The following RAB23 variants were observed in gnomAD, a reference collection of about 807,000 sequenced individuals.
RAB23 encodes RAB23, member RAS oncogene family.
Under a neutral mutation model 30.0 loss-of-function variants are expected in RAB23, and 15 were observed. That is an observed-to-expected ratio of 0.50 (90% CI 0.33 to 0.77). The LOEUF (loss-of-function observed/expected upper bound fraction) is 0.77, where lower values mean the gene tolerates loss of function less well. RAB23 is among the 30% of genes least tolerant of loss of function. RAB23 has a pLI of 0.02. For synonymous variants in RAB23, 93 were observed against 94.0 expected, an observed-to-expected ratio of 0.99 and a Z score of 0.06; for missense variants, 243 against 275.4, an observed-to-expected ratio of 0.88 and a Z score of 0.83.
At chr6:57,196,335 G>T in intron 4 of RAB23, 115 bp downstream of exon 4, 6 of 1,217,118 alleles carry the variant, frequency 4.9e-6, no homozygotes, top group Non-Finnish European at 7.2e-6. Context: ...AGTCATTAAA[G>T]CCTTCAAAAT....
In RAB23 at chr6:57,207,628, C is replaced by G; in HGVS notation, c.241G>C (p.Gly81Arg). 1 of 1,584,866 alleles carries G rather than the reference C, an allele frequency of 6.3e-7. No homozygotes were observed. The highest frequency in any genetic ancestry group is 8.7e-7 in the Non-Finnish European group (1 of 1,153,786). Residue 81 changes from glycine to arginine, a missense_variant and splice_region_variant, in exon 3 of 7, where the codon GGA (glycine) becomes CGA (arginine). Gly to Arg is a moderately radical substitution (Grantham distance 125). Coordinates refer to ENST00000468148, the MANE Select transcript of RAB23 (RefSeq NM_016277.5). ...FDAITKAYYR[G>R]AQACVLVFST... ...TAAATAAATAAATCCTGTGTTTTAC[C>G]TCGATAGTAGGCCTTTGTAATTGCA... is the stretch of plus-strand genomic sequence containing the variant.
At chr6:57,204,329 T>C (rs1033824465) in intron 3 of RAB23, among the ~76,000 whole-genome samples, 32 of 152,320 alleles carry the variant, frequency 2.1e-4, no homozygotes, top group African/African-American at 7.7e-4. Context: ...TCTATTCTAT[T>C]TTCAAGTACT....
chr6:57,197,228 T>C (rs1280827850), intron 3 of RAB23, among the ~76,000 whole-genome samples: 3 of 152,132 alleles, frequency 2.0e-5, no homozygotes, highest in African/African-American at 7.2e-5. Flanking sequence ...AGTATATATA[T>C]ATATAATAGA....
In RAB23 at chr6:57,221,743, G is replaced by A. The variant is rs1766068590; in HGVS notation, c.-83C>T. 1 of 152,314 alleles carries A rather than the reference G, an allele frequency of 6.6e-6. No individual in the cohort carries two copies. 9.4% of individuals were successfully genotyped at this position (152,314 alleles called of 1,614,324 possible). A position where few individuals can be genotyped will look rare whatever the true frequency, so the allele number is the denominator to read the frequency against. ...GTACCCACCGCTGGGAGCTGGGAGG[G>A]GGCGCCGGGCTGGCGCTGCCGCCCA... On this transcript the variant is annotated 5_prime_UTR_variant, in exon 1 of 7. Coordinates refer to ENST00000468148, the MANE Select transcript of RAB23 (RefSeq NM_016277.5).
Position 57,203,076 on chromosome 6 carries a change from G to A in RAB23, c.241+4552C>T, listed in dbSNP as rs376635244. Among the ~76,000 whole-genome samples, 93 of 137,534 alleles carry A rather than the reference G, an allele frequency of 6.8e-4. No homozygotes were observed. In the East Asian group the frequency reaches 7.9e-3, roughly 12 times the overall value. 90.2% of individuals were successfully genotyped at this position (137,534 alleles called of 152,430 possible). On this transcript the variant is annotated intron_variant, in intron 3 of 6. Coordinates refer to ENST00000468148, the MANE Select transcript of RAB23 (RefSeq NM_016277.5). Reference sequence around the variant, plus strand: ...GGCTGGAGTACAGTGGCATGATCTCGGCTCACTGCAGCCTCTGCCTCCTGG... The same window carrying A: ...GGCTGGAGTACAGTGGCATGATCTCAGCTCACTGCAGCCTCTGCCTCCTGG...
chr6:57,209,572 T>C (rs1359647362), intron 2 of RAB23, among the ~76,000 whole-genome samples: 1 of 152,254 alleles, frequency 6.6e-6, no homozygotes, highest in Non-Finnish European at 1.5e-5. Flanking sequence ...AGGTTTGTAA[T>C]ATTTTAAATT....
chr6:57,218,638 G>A (rs1398033512), intron 1 of RAB23, among the ~76,000 whole-genome samples: 2 of 152,136 alleles, frequency 1.3e-5, no homozygotes, highest in African/African-American at 2.4e-5. Context: ...GATCACTGAG[G>A]TCAGGAGTTC....
rs1764629332 is a variant in RAB23, at chr6:57,187,055, G to A, written c.*3406C>T. On this transcript the variant is annotated 3_prime_UTR_variant, in exon 7 of 7. Coordinates refer to ENST00000468148, the MANE Select transcript of RAB23 (RefSeq NM_016277.5). ...ATTCATCCTTCATGAAATTTTTAGA[G>A]TAGTGTTTTAAATTAAGCTCCAGAG... 6.6e-6 allele frequency: 1 copy of A among 152,146 alleles called. No homozygotes were observed. Among genetic ancestry groups the A allele is most frequent in the Non-Finnish European group, 1.5e-5 (1 of 68,008 alleles). 9.4% of individuals were successfully genotyped at this position (152,146 alleles called of 1,614,324 possible). A position where few individuals can be genotyped will look rare whatever the true frequency, so the allele number is the denominator to read the frequency against.
At chr6:57,198,463 G>A (rs746827846) in intron 3 of RAB23, among the ~76,000 whole-genome samples, 34 of 151,988 alleles carry the variant, frequency 2.2e-4, no homozygotes, top group Non-Finnish European at 4.6e-4. Context: ...GCAGTGAGCC[G>A]AGATCGCGCC....
intron 3 of RAB23, among the ~76,000 whole-genome samples, chr6:57,206,842 G>T (rs975591510): frequency 6.6e-6 from 1 of 152,206 alleles, no homozygotes; most frequent in Admixed American, 6.5e-5. Context: ...GGGATAATCA[G>T]TATATCAGTT....
chr6:57,210,102 G>T, intron 2 of RAB23, 124 bp downstream of exon 2: 2 of 968,034 alleles, frequency 2.1e-6, no homozygotes, highest in African/African-American at 1.6e-5. Flanking sequence ...CATCACTGTC[G>T]CATGAGCATT....
rs1764672943 is a variant in RAB23, at chr6:57,187,979, A to T, written c.*2482T>A. The stretch of plus-strand genomic sequence containing the variant: ...ATTCTATATACTATTTAATTCATAG[A>T]CAGAGACTGGAAAAGGAAAAGGAAA... On this transcript the variant is annotated 3_prime_UTR_variant, in exon 7 of 7. Coordinates refer to ENST00000468148, the MANE Select transcript of RAB23 (RefSeq NM_016277.5). The T allele has an allele frequency of 6.7e-6, 1 of 149,214 alleles. No individual in the cohort carries two copies. The highest frequency in any genetic ancestry group is 1.5e-5 in the Non-Finnish European group (1 of 67,460). 9.2% of individuals were successfully genotyped at this position (149,214 alleles called of 1,614,324 possible).
intron 3 of RAB23, among the ~76,000 whole-genome samples, chr6:57,204,335 G>T (rs918195392): frequency 2.6e-5 from 4 of 152,114 alleles, no homozygotes; most frequent in Non-Finnish European, 5.9e-5. Flanking sequence ...CTATTTTCAA[G>T]TACTGCTTCT....
At chr6:57,203,154 C>T (rs1042314083) in intron 3 of RAB23, among the ~76,000 whole-genome samples, 1 of 151,642 alleles carries the variant, frequency 6.6e-6, no homozygotes, top group Non-Finnish European at 1.5e-5. Flanking sequence ...TACAGGTGTG[C>T]GCCACCACAC....
At chr6:57,193,314 C>T (rs1764910464) in intron 6 of RAB23, among the ~76,000 whole-genome samples, 1 of 151,978 alleles carries the variant, frequency 6.6e-6, no homozygotes, top group Non-Finnish European at 1.5e-5. Context: ...GATATGAAGT[C>T]CTTAAGAGAT....
chr6:57,193,985 A>C, intron 5 of RAB23, 51 bp from the exon 6 acceptor site: 1 of 1,580,208 alleles, frequency 6.3e-7, no homozygotes. Flanking sequence ...TATGCATGTA[A>C]ATCTGTTATT....
rs1211415756 is a variant in RAB23, at chr6:57,221,847, G to T, written c.-187C>A. 6.6e-6 allele frequency: 1 copy of T among 152,654 alleles called. No individual in the cohort carries two copies. Among genetic ancestry groups the T allele is most frequent in the South Asian group, 2.1e-4 (1 of 4,838 alleles). 9.5% of individuals were successfully genotyped at this position (152,654 alleles called of 1,614,324 possible). On this transcript the variant is annotated 5_prime_UTR_variant, in exon 1 of 7. Coordinates refer to ENST00000468148, the MANE Select transcript of RAB23 (RefSeq NM_016277.5). Reference sequence around the variant, plus strand: ...CGGCGGTCCGAACCGGGGGATGGGGGAGCCGGGCCGGGAGGCCCCTGCCCT... The same window carrying T: ...CGGCGGTCCGAACCGGGGGATGGGGTAGCCGGGCCGGGAGGCCCCTGCCCT...
chr6:57,212,751 G>A (rs1016207608), intron 1 of RAB23, among the ~76,000 whole-genome samples: 12 of 151,912 alleles, frequency 7.9e-5, no homozygotes, highest in Non-Finnish European at 8.8e-5. Context: ...GCCAGGCATG[G>A]TGGCGTGAGC....
intron 4 of RAB23, 141 bp from the exon 5 acceptor site, chr6:57,194,993 A>AT: frequency 1.5e-6 from 1 of 670,856 alleles, no homozygotes; most frequent in Non-Finnish European, 2.6e-6. Context: ...GAAAATTTTC[A>AT]TATTTCTTTT....
Sources: allele counts gnomAD v4.1 joint callset (sites outside exome capture counted in the v4.1 genomes callset), GRCh38; gene constraint gnomAD v4.1.1; transcripts MANE v1.5; gene names NCBI Gene and HGNC (gene_info 2026-07-23, HGNC 2026-07-21).